Variants in TTBK2 observed in about 807,000 individuals in gnomAD.
TTBK2 encodes tau-tubulin kinase 2.
In TTBK2, 28 loss-of-function variants were observed where a neutral mutation model predicts 110.8. The ratio of observed to expected loss-of-function variants is 0.25; its 90% CI spans 0.19 to 0.35. The LOEUF is 0.35. Among genes scored for constraint, TTBK2 ranks in the 10% least tolerant of loss-of-function variants. The pLI is 1.00. For synonymous variants in TTBK2, 532 were observed against 527.3 expected (o/e 1.01, Z -0.12); for missense variants, 1,369 against 1,500.3 (o/e 0.91, Z 1.45).
Position 42,872,739 on chromosome 15 carries a change from C to T in TTBK2, c.89G>A (p.Gly30Glu). 1 of 1,613,990 alleles carries T rather than the reference C, an allele frequency of 6.2e-7. No homozygotes were observed. Among genetic ancestry groups the T allele is most frequent in the Non-Finnish European group, 8.5e-7 (1 of 1,179,976 alleles). ...RWKVLRKIGG[G>E]GFGEIYDALD... ...GGCATCGTAAATTTCTCCAAAGCCCCCACCCCCAATCTTTCTCAACTGCAC... is the reference window on the plus strand; with the variant it reads ...GGCATCGTAAATTTCTCCAAAGCCCTCACCCCCAATCTTTCTCAACTGCAC... Residue 30 changes from glycine to glutamate, a missense_variant, in exon 3 of 15, where the codon GGG becomes GAG. Gly to Glu is a moderately conservative substitution (Grantham distance 98). This residue lies in a region of TTBK2 where 122 missense variants were observed against 159.7 expected (regional missense o/e 0.76). Coordinates refer to ENST00000267890, the MANE Select transcript of TTBK2 (RefSeq NM_173500.4).
At chr15:42,857,775 A>G (rs566665843) in intron 3 of TTBK2, among the ~76,000 whole-genome samples, 7 of 151,970 alleles carry the variant, frequency 4.6e-5, no homozygotes, top group Middle Eastern at 3.4e-3. Flanking sequence ...AAAACTTTCT[A>G]TGCTCTAGTA....
intron 3 of TTBK2, among the ~76,000 whole-genome samples, chr15:42,851,711 T>G (rs1470457481): frequency 6.6e-6 from 1 of 152,140 alleles, no homozygotes; most frequent in Non-Finnish European, 1.5e-5. Context: ...TATATATATA[T>G]CTATACATAG....
chr15:42,850,965 C>A (rs1595983616), intron 3 of TTBK2, among the ~76,000 whole-genome samples: 2 of 151,910 alleles, frequency 1.3e-5, no homozygotes, highest in Middle Eastern at 3.4e-3. Flanking sequence ...GTGGCTCATG[C>A]CTGTAATCCC....
chr15:42,894,878 G>A (rs1455459746), intron 1 of TTBK2, among the ~76,000 whole-genome samples: 1 of 152,158 alleles, frequency 6.6e-6, no homozygotes, highest in Non-Finnish European at 1.5e-5. Flanking sequence ...ATCCGGTATG[G>A]TTTATCCTGG....
intron 9 of TTBK2, among the ~76,000 whole-genome samples, chr15:42,805,144 C>T (rs1214873973): frequency 6.6e-6 from 1 of 152,130 alleles, no homozygotes; most frequent in Non-Finnish European, 1.5e-5. Context: ...CAAATGTTAA[C>T]AAAACACAGT....
intron 7 of TTBK2, 94 bp downstream of exon 7, chr15:42,816,937 TA>T: frequency 1.7e-6 from 1 of 585,382 alleles, no homozygotes; most frequent in Non-Finnish European, 2.3e-6. Flanking sequence ...TACATATATA[TA>T]TATATATAAA....
intron 1 of TTBK2, among the ~76,000 whole-genome samples, chr15:42,911,089 A>C (rs1251776066): frequency 2.0e-5 from 3 of 152,082 alleles, no homozygotes; most frequent in Non-Finnish European, 4.4e-5. Flanking sequence ...GTTAACCTAC[A>C]TCAATTTGTA....
rs1436986540 is a variant in TTBK2 at position 42,920,447 on chromosome 15, G to C, written c.-77C>G. The C allele has an allele frequency of 1.3e-5, 2 of 152,564 alleles. No individual in the cohort carries two copies. Among genetic ancestry groups the C allele is most frequent in the African/African-American group, 4.8e-5 (2 of 41,448 alleles). The allele number at this position is 152,564 out of a possible 1,614,324, so 9.5% of individuals were successfully genotyped here. On this transcript the variant is annotated 5_prime_UTR_variant, in exon 1 of 15. Coordinates refer to ENST00000267890, the MANE Select transcript of TTBK2 (RefSeq NM_173500.4). ...GGGGGGTGTGTCCTACCTGGGCCGTGGCGGACGCAGGGGTTTCTGGAGGAG... is the reference window on the plus strand; with the variant it reads ...GGGGGGTGTGTCCTACCTGGGCCGTCGCGGACGCAGGGGTTTCTGGAGGAG...
At chr15:42,749,974 T>C (rs2061843636) in intron 14 of TTBK2, among the ~76,000 whole-genome samples, 3 of 152,110 alleles carry the variant, frequency 2.0e-5, no homozygotes, top group Non-Finnish European at 2.9e-5. Context: ...TAGTTCCAGA[T>C]ACTCAGGAGG....
intron 14 of TTBK2, among the ~76,000 whole-genome samples, chr15:42,748,838 C>T (rs975656108): frequency 6.6e-6 from 1 of 152,182 alleles, no homozygotes; most frequent in Non-Finnish European, 1.5e-5. Context: ...GCAGTATATA[C>T]TAAAGCAGTA....
At chr15:42,847,403 T>C (rs759433456) in intron 3 of TTBK2, among the ~76,000 whole-genome samples, 1 of 152,256 alleles carries the variant, frequency 6.6e-6, no homozygotes, top group Non-Finnish European at 1.5e-5. Flanking sequence ...ATAATGTCTT[T>C]TGGAAGCAAA....
At chr15:42,817,991 C>G (rs1892112435) in intron 6 of TTBK2, among the ~76,000 whole-genome samples, 3 of 152,166 alleles carry the variant, frequency 2.0e-5, no homozygotes, top group Admixed American at 2.0e-4. Context: ...TTCTTTTACT[C>G]TGCTTTCTTT....
chr15:42,837,657 CAAA>C (rs35898464), intron 4 of TTBK2, among the ~76,000 whole-genome samples: 297 of 39,960 alleles, frequency 7.4e-3, no homozygotes, highest in African/African-American at 0.026. Flanking sequence ...GACTCTGTCT[CAAA>C]AAAAAAAAAA....
chr15:42,774,329 T>C, intron 13 of TTBK2, among the ~76,000 whole-genome samples: 1 of 152,160 alleles, frequency 6.6e-6, no homozygotes, highest in East Asian at 1.9e-4. Flanking sequence ...GTGTCCACAG[T>C]TACTTATTTA....
intron 7 of TTBK2, among the ~76,000 whole-genome samples, chr15:42,814,189 T>C (rs1191115391): frequency 1.3e-5 from 2 of 152,086 alleles, no homozygotes; most frequent in East Asian, 3.9e-4. Context: ...ACCCAGCTAA[T>C]TTTTATATTT....
intron 3 of TTBK2, among the ~76,000 whole-genome samples, chr15:42,868,839 C>T (rs781345909): frequency 6.6e-5 from 10 of 150,954 alleles, no homozygotes; most frequent in South Asian, 2.1e-4. Context: ...ACAGCCTGGA[C>T]GACAGAGTGA....
chr15:42,745,730 G>A lies in TTBK2; in HGVS notation c.*65C>T. The A allele has an allele frequency of 1.3e-6, 2 of 1,568,106 alleles. No homozygotes were observed. The highest frequency in any genetic ancestry group is 1.8e-6 in the Non-Finnish European group (2 of 1,139,726). On this transcript the variant is annotated 3_prime_UTR_variant, in exon 15 of 15. Transcript: ENST00000267890. ...CTGATTTTTTTACATAGAAAGTACA[G>A]GGACACACATGCATCAGGTTTAGGA...
intron 5 of TTBK2, among the ~76,000 whole-genome samples, chr15:42,828,631 G>C (rs923064346): frequency 2.0e-5 from 3 of 151,382 alleles, no homozygotes; most frequent in Admixed American, 6.6e-5. Context: ...GCTGAGGCAG[G>C]AGAATTGCTT....
intron 9 of TTBK2, among the ~76,000 whole-genome samples, 180 bp downstream of exon 9, chr15:42,810,433 AT>A (rs1891658810): frequency 1.3e-5 from 2 of 152,184 alleles, no homozygotes; most frequent in African/African-American, 4.8e-5. Flanking sequence ...GATGAAACAC[AT>A]AACACACACG....
Sources: gnomAD v4.1 joint callset for allele counts (sites outside exome capture counted in the v4.1 genomes callset) on GRCh38, gnomAD v4.1.1 for gene constraint, gnomAD v4.1.1 regional missense constraint, MANE v1.5 for transcripts, NCBI Gene and HGNC (gene_info 2026-07-23, HGNC 2026-07-21) for gene names.